The following MAGI2 variants were observed in gnomAD, a reference collection of about 807,000 sequenced individuals.
MAGI2 encodes membrane-associated guanylate kinase, WW and PDZ domain-containing protein 2.
In MAGI2, 35 loss-of-function variants were observed where a neutral mutation model predicts 133.3. The observed-to-expected ratio is 0.26, with a 90% CI of 0.20 to 0.35. The LOEUF (loss-of-function observed/expected upper bound fraction) is 0.35. MAGI2 is among the 10% of genes least tolerant of loss of function. The pLI is 1.00. For missense variants in MAGI2, 1,636 were observed against 1,863.4 expected (o/e 0.88, Z 2.25); for synonymous variants, 729 against 710.6 (o/e 1.03, Z -0.41).
intron 6 of MAGI2, among the ~76,000 whole-genome samples, chr7:78,414,508 T>C (rs1049741201): frequency 6.6e-6 from 1 of 151,994 alleles, no homozygotes; most frequent in African/African-American, 2.4e-5. Flanking sequence ...TAAATATATA[T>C]TATGCTTATT....
intron 12 of MAGI2, among the ~76,000 whole-genome samples, chr7:78,191,414 T>A (rs547927823): frequency 6.6e-6 from 1 of 152,376 alleles, no homozygotes; most frequent in East Asian, 1.9e-4. Context: ...TGCTGTGTTG[T>A]GTAATGGAGC....
chr7:78,757,234 A>T (rs1824038875), intron 2 of MAGI2, among the ~76,000 whole-genome samples: 1 of 151,964 alleles, frequency 6.6e-6, no homozygotes, highest in African/African-American at 2.4e-5. Flanking sequence ...TGTGCTCTGC[A>T]TCTTATGCTC....
intron 1 of MAGI2, among the ~76,000 whole-genome samples, chr7:79,183,858 T>A (rs140984881): frequency 5.3e-5 from 8 of 151,950 alleles, no homozygotes; most frequent in Non-Finnish European, 7.4e-5. Flanking sequence ...TTGGAGTGTA[T>A]TACATTAAGT....
At chr7:78,323,298 C>A (rs1480157434) in intron 9 of MAGI2, among the ~76,000 whole-genome samples, 3 of 152,158 alleles carry the variant, frequency 2.0e-5, no homozygotes, top group African/African-American at 4.8e-5. Flanking sequence ...AAACCGAGGA[C>A]CTCATTCCTT....
chr7:78,261,562 A>G (rs1793520921), intron 9 of MAGI2, among the ~76,000 whole-genome samples: 1 of 152,126 alleles, frequency 6.6e-6, no homozygotes, highest in South Asian at 2.1e-4. Flanking sequence ...TCACTGAATA[A>G]AGGATGGAAA....
At chr7:78,140,780 C>T (rs900087774) in intron 16 of MAGI2, among the ~76,000 whole-genome samples, 1 of 152,196 alleles carries the variant, frequency 6.6e-6, no homozygotes, top group Non-Finnish European at 1.5e-5. Flanking sequence ...AGAATAGCAT[C>T]TTCTTAATAA....
intron 20 of MAGI2, among the ~76,000 whole-genome samples, chr7:78,114,643 A>AGT (rs1207578856): frequency 6.6e-6 from 1 of 152,180 alleles, no homozygotes; most frequent in African/African-American, 2.4e-5. Context: ...CTGAGGTGAC[A>AGT]GTGTGTGGCA....
intron 20 of MAGI2, among the ~76,000 whole-genome samples, chr7:78,085,222 A>G (rs1261479456): frequency 6.6e-6 from 1 of 152,148 alleles, no homozygotes; most frequent in Non-Finnish European, 1.5e-5. Flanking sequence ...TATGTTTTAG[A>G]CAGTAATCAC....
chr7:78,113,151 ACGCAGGGAGGGGGAC>A (rs1315879293), intron 20 of MAGI2, among the ~76,000 whole-genome samples: 14 of 104,000 alleles, frequency 1.3e-4, no homozygotes, highest in Non-Finnish European at 2.9e-4. Context: ...GGGATAGAAC[ACGCAGGGAGGGGGAC>A]TGGGGATAGA....
chr7:78,231,058 T>C (rs554843192), intron 10 of MAGI2, among the ~76,000 whole-genome samples: 7 of 152,320 alleles, frequency 4.6e-5, no homozygotes, highest in South Asian at 2.1e-4. Context: ...TGCTGGAATA[T>C]GGAAACTTTA....
chr7:78,655,972 C>A, intron 2 of MAGI2, among the ~76,000 whole-genome samples: 1 of 121,838 alleles, frequency 8.2e-6, no homozygotes, highest in South Asian at 2.7e-4. Context: ...CAGAGCAAGA[C>A]TCCGTCTCAA....
chr7:78,785,723 G>C (rs570889282), intron 2 of MAGI2, among the ~76,000 whole-genome samples: 4 of 152,182 alleles, frequency 2.6e-5, no homozygotes, highest in African/African-American at 9.6e-5. Context: ...TGAGCTAAGT[G>C]TCCTTATCTA....
chr7:79,067,557 C>T (rs2117123943), intron 1 of MAGI2, among the ~76,000 whole-genome samples: 1 of 152,266 alleles, frequency 6.6e-6, no homozygotes, highest in East Asian at 1.9e-4. Context: ...CAAACAGAGA[C>T]AATTTGACTT....
chr7:78,050,080 T>A (rs1811857447), intron 21 of MAGI2, among the ~76,000 whole-genome samples: 1 of 152,220 alleles, frequency 6.6e-6, no homozygotes, highest in South Asian at 2.1e-4. Flanking sequence ...AAAAGGTCAA[T>A]AAATCGTTCA....
Position 78,529,603 on chromosome 7 carries a change from T to C in MAGI2, c.539-7958A>G, listed in dbSNP as rs147158797. 3.9e-3 allele frequency among the ~76,000 whole-genome samples: 595 copies of C among 150,718 alleles called. 5 individuals carry two copies. The highest frequency in any genetic ancestry group is 0.014 in the African/African-American group (574 of 41,092). On this transcript the variant is annotated intron_variant, in intron 3 of 21. Coordinates refer to ENST00000354212, the MANE Select transcript of MAGI2 (RefSeq NM_012301.4). ...AAAAATGGAATGCAAGCCACAGATA[T>C]GAGCCACATATATGGAATTTAAATT...
intron 1 of MAGI2, among the ~76,000 whole-genome samples, chr7:79,107,857 T>C (rs1217211257): frequency 6.6e-6 from 1 of 152,202 alleles, no homozygotes; most frequent in Non-Finnish European, 1.5e-5. Flanking sequence ...ATTGCATTAG[T>C]TATTATATTC....
chr7:79,409,422 C>T (rs1230436299), intron 1 of MAGI2, among the ~76,000 whole-genome samples: 1 of 151,886 alleles, frequency 6.6e-6, no homozygotes, highest in Non-Finnish European at 1.5e-5. Context: ...AGCCACTGTG[C>T]CTGGCTTAAA....
intron 2 of MAGI2, among the ~76,000 whole-genome samples, chr7:78,846,965 C>T (rs1792671857): frequency 6.6e-6 from 1 of 151,862 alleles, no homozygotes; most frequent in Non-Finnish European, 1.5e-5. Flanking sequence ...ATATAGGTCC[C>T]AACCCCAACT....
chr7:78,675,617 C>T (rs1455789066), intron 2 of MAGI2, among the ~76,000 whole-genome samples: 1 of 152,086 alleles, frequency 6.6e-6, no homozygotes, highest in Non-Finnish European at 1.5e-5. Context: ...TACAGATTTA[C>T]ATAAGACATT....
Sources: allele counts gnomAD v4.1 joint callset (sites outside exome capture counted in the v4.1 genomes callset), GRCh38; gene constraint gnomAD v4.1.1; transcripts MANE v1.5; gene names NCBI Gene and HGNC (gene_info 2026-07-23, HGNC 2026-07-21).